Variants in PRX observed in about 807,000 individuals in gnomAD.
PRX encodes periaxin.
PRX carries 24 observed loss-of-function variants against 29.6 expected under a neutral mutation model. The ratio of observed to expected loss-of-function variants is 0.81; its 90% CI spans 0.59 to 1.14. The LOEUF (loss-of-function observed/expected upper bound fraction) is 1.14. Among genes scored for constraint, PRX ranks in the 50% most tolerant of loss-of-function variants. The probability of loss-of-function intolerance (pLI) is 0.00; values close to 1 mark genes in which losing one functional copy is unlikely to be tolerated. For synonymous variants in PRX, 772 were observed against 831.7 expected (o/e 0.93, Z 1.24); for missense variants, 1,838 against 1,926.4 (o/e 0.95, Z 0.86).
In PRX at chr19:40,397,247, C is replaced by G; in HGVS notation, c.1105G>C (p.Ala369Pro). ...RLSFPRFGARAKEVAEAKVAK... is the reference protein window; with the variant it reads ...RLSFPRFGARPKEVAEAKVAK... ...ACCTTGGCCTCAGCAACTTCCTTTG[C>G]TCGAGCCCCAAATCGGGGAAAACTA... The change falls in exon 7 of 7, where the codon GCA (alanine) becomes CCA (proline). Residue 369 changes from alanine to proline, a missense_variant. Transcript: ENST00000324001. The G allele has an allele frequency of 6.2e-7, 1 of 1,613,850 alleles. No individual in the cohort carries two copies. The highest frequency in any genetic ancestry group is 8.5e-7 in the Non-Finnish European group (1 of 1,180,034).
In PRX at chr19:40,395,739, G is replaced by C. The variant is rs2145728177; in HGVS notation, c.2613C>G (p.Val871=). 6.2e-7 allele frequency: 1 copy of C among 1,613,808 alleles called. No individual in the cohort carries two copies. Among genetic ancestry groups the C allele is most frequent in the East Asian group, 2.2e-5 (1 of 44,844 alleles). ...CTCCCTTGCCCATTTTAGCGGCTGG[G>C]ACCTGCCCCTGCAGGCCAAGTGCTC... ...LPGALGLQGQ[V]PAAKMGKGER... The change falls in exon 7 of 7, where the codon GTC becomes GTG. Residue 871 remains valine, a synonymous_variant. Coordinates refer to ENST00000324001, the MANE Select transcript of PRX (RefSeq NM_181882.3).
intron 1 of PRX, among the ~76,000 whole-genome samples, chr19:40,409,557 C>T (rs567344544): frequency 2.6e-5 from 4 of 151,884 alleles, no homozygotes; most frequent in Non-Finnish European, 4.4e-5. Flanking sequence ...ACTACAACCT[C>T]TGCCTCCTGG....
chr19:40,407,276 T>C (rs1200211215), intron 4 of PRX, among the ~76,000 whole-genome samples: 2 of 150,344 alleles, frequency 1.3e-5, no homozygotes, highest in Non-Finnish European at 2.9e-5. Flanking sequence ...TTTTTTTTTT[T>C]TTCTTTGTTT....
At position 40,396,022 on chromosome 19, in the gene PRX, G is replaced by A. The variant is rs2079431092; in HGVS notation, c.2330C>T (p.Pro777Leu). 6.2e-7 allele frequency: 1 copy of A among 1,613,860 alleles called. No homozygotes were observed. The highest frequency in any genetic ancestry group is 8.5e-7 in the Non-Finnish European group (1 of 1,180,042). Residue 777 changes from proline to leucine, a missense_variant, in exon 7 of 7, where the codon CCC becomes CTC. Pro to Leu is a moderately conservative substitution (Grantham distance 98). Transcript: ENST00000324001. ...HLPKAPEVKL[P>L]RAPEVQLKAT... is the part of the protein sequence containing the mutation. Reference sequence around the variant, plus strand: ...CTTTAGCTGCACCTCCGGAGCCCTGGGCAGCTTCACCTCTGGTGCCTTCGG... The same window carrying A: ...CTTTAGCTGCACCTCCGGAGCCCTGAGCAGCTTCACCTCTGGTGCCTTCGG...
chr19:40,409,096 C>T (rs184505762), intron 1 of PRX, among the ~76,000 whole-genome samples: 2 of 152,178 alleles, frequency 1.3e-5, no homozygotes, highest in Admixed American at 1.3e-4. Context: ...AAGTGATCAG[C>T]CCACCTTGGC....
intron 5 of PRX, among the ~76,000 whole-genome samples, chr19:40,399,025 T>A (rs1483987315): frequency 7.2e-6 from 1 of 139,098 alleles, no homozygotes; most frequent in South Asian, 2.3e-4. Flanking sequence ...CCGCGCCCAC[T>A]CAGGCCACGC....
intron 4 of PRX, among the ~76,000 whole-genome samples, chr19:40,405,619 A>G (rs1358186168): frequency 4.3e-5 from 6 of 140,378 alleles, no homozygotes; most frequent in African/African-American, 1.6e-4. Flanking sequence ...TTTTATGTGC[A>G]GAATCTCTTT....
rs768524850 is a variant in PRX, at chr19:40,394,223, G to A, written c.4129C>T (p.Arg1377Cys). The change falls in exon 7 of 7, where the codon CGC becomes TGC. Residue 1377 changes from arginine to cysteine, a missense_variant. Arg to Cys is a radical substitution (Grantham distance 180). Coordinates refer to ENST00000324001, the MANE Select transcript of PRX (RefSeq NM_181882.3). The surrounding 1 kb of genome is among the most constrained non-coding windows in gnomAD (Gnocchi z 5.8). ...GCCGCCAGGCCTACACGTGGCAAGC[G>A]GACCCGGACCCGGCCCCGGCGACCC... is the stretch of plus-strand genomic sequence containing the variant. ...ASGRRGRVRV[R>C]LPRVGLAAPS... 296 of 1,599,838 alleles carry A rather than the reference G, an allele frequency of 1.9e-4. No homozygotes were observed. The highest frequency in any genetic ancestry group is 5.0e-4 in the Middle Eastern group (3 of 6,014).
Position 40,397,763 on chromosome 19 carries a change from C to A in PRX, c.589G>T (p.Glu197Ter), listed in dbSNP as rs753857146. 2.6e-6 allele frequency: 4 copies of A among 1,566,614 alleles called. No homozygotes were observed. Among genetic ancestry groups the A allele is most frequent in the African/African-American group, 1.3e-5 (1 of 74,468 alleles). Reference protein sequence around the residue: ...RLQLPRLRVREVAEEAQAARL... With the variant: ...RLQLPRLRVR ...GCTGCCTGAGCCTCTTCGGCCACTT[C>A]TCGTACACGCAGCCGAGGCAGCTGG... Residue 197 changes from glutamate to a stop codon, truncating the protein, a stop_gained, in exon 7 of 7, where the codon GAA (glutamate) becomes TAA (stop). Coordinates refer to ENST00000324001, the MANE Select transcript of PRX (RefSeq NM_181882.3). LOFTEE classifies it low-confidence loss of function (END_TRUNC).
At chr19:40,403,532 C>A (rs2079510240) in intron 5 of PRX, among the ~76,000 whole-genome samples, 174 bp downstream of exon 5, 1 of 152,154 alleles carries the variant, frequency 6.6e-6, no homozygotes, top group Admixed American at 6.5e-5. Context: ...AGACAGTGAA[C>A]CTCCGGAATT....
intron 5 of PRX, among the ~76,000 whole-genome samples, 197 bp downstream of exon 5, chr19:40,403,509 G>C (rs2079510042): frequency 6.6e-6 from 1 of 152,166 alleles, no homozygotes; most frequent in Non-Finnish European, 1.5e-5. Flanking sequence ...CGGGGGATGT[G>C]AAATTCGCAC....
Position 40,398,862 on chromosome 19 carries a change from C to A in PRX, c.185-46G>T. The A allele has an allele frequency of 6.2e-7, 1 of 1,613,042 alleles. No homozygotes were observed. Among genetic ancestry groups the A allele is most frequent in the South Asian group, 1.1e-5 (1 of 90,956 alleles). On this transcript the variant is annotated intron_variant, in intron 5 of 6. Transcript: ENST00000324001. The surrounding 1 kb of genome is among the most constrained non-coding windows in gnomAD (Gnocchi z 6.3). ...CGCAGCACGTGGGCATCTCCCGGCTCCGCCCGGGCCTAGTTCTGCCCACTT... is the reference window on the plus strand; with the variant it reads ...CGCAGCACGTGGGCATCTCCCGGCTACGCCCGGGCCTAGTTCTGCCCACTT...
In PRX at chr19:40,407,212, TTGTGTGTGTGTGTG is replaced by T. The variant is rs72256185; in HGVS notation, c.27+680_27+693del. Among the ~76,000 whole-genome samples, 18 of 133,894 alleles carry T rather than the reference TTGTGTGTGTGTGTG, an allele frequency of 1.3e-4. No homozygotes were observed. The East Asian group carries it at 1.5e-3, about 11-fold the overall frequency. The allele number at this position is 133,894 out of a possible 152,430, so 87.8% of individuals were successfully genotyped here. ...TCCTTAACTCCTACATTATATGCCC[TTGTGTGTGTGTGTG>T]TGTGTGTGTGTGTGTGTGTGTGTGT... On this transcript the variant is annotated intron_variant, in intron 4 of 6. Transcript: ENST00000324001.
In PRX at chr19:40,408,133, G is replaced by A. The variant is rs3814287; in HGVS notation, c.-100+25C>T. On this transcript the variant is annotated intron_variant, in intron 3 of 6. Transcript: ENST00000324001. ...GGGTGGGTATTAGAAGGGGAGAAGG[G>A]CCCCCACCCCAGCTGTCCTCTCACC... 25,185 of 676,436 alleles carry A rather than the reference G, an allele frequency of 0.037. 1,060 individuals carry two copies. The highest frequency in any genetic ancestry group is 0.14 in the African/African-American group (8,021 of 56,242). The allele number at this position is 676,436 out of a possible 1,614,324, so 41.9% of individuals were successfully genotyped here.
chr19:40,396,353 G>A lies in PRX; in HGVS notation c.1999C>T (p.Leu667Phe). The change falls in exon 7 of 7, where the codon CTC (leucine) becomes TTC (phenylalanine). Residue 667 changes from leucine to phenylalanine, a missense_variant. Coordinates refer to ENST00000324001, the MANE Select transcript of PRX (RefSeq NM_181882.3). ...VQLPKVPEMK[L>F]PKMPEMAVPE... is the part of the protein sequence containing the mutation. The stretch of plus-strand genomic sequence containing the variant: ...ACAGCCATCTCAGGCATTTTAGGGA[G>A]TTTCATCTCTGGGACTTTCGGGAGC... 1 of 1,611,804 alleles carries A rather than the reference G, an allele frequency of 6.2e-7. No homozygotes were observed. The highest frequency in any genetic ancestry group is 1.1e-5 in the South Asian group (1 of 91,016).
At chr19:40,403,026 C>T (rs972792788) in intron 5 of PRX, among the ~76,000 whole-genome samples, 1 of 151,894 alleles carries the variant, frequency 6.6e-6, no homozygotes, top group East Asian at 1.9e-4. Context: ...AAAAATTAGC[C>T]GGGCGTGGTG....
intron 4 of PRX, among the ~76,000 whole-genome samples, chr19:40,405,449 G>C (rs1238871662): frequency 6.6e-6 from 1 of 151,972 alleles, no homozygotes; most frequent in Non-Finnish European, 1.5e-5. Context: ...CCCAGGACTT[G>C]GAGGGAGAGC....
At chr19:40,404,332 G>T (rs931765186) in intron 4 of PRX, among the ~76,000 whole-genome samples, 1 of 150,968 alleles carries the variant, frequency 6.6e-6, no homozygotes, top group Non-Finnish European at 1.5e-5. Flanking sequence ...TAAGGGGAGG[G>T]ACTGCGTCGG....
At chr19:40,400,615 A>AAAAAAAAAAAAAAAAAAAAC (rs2079488053) in intron 5 of PRX, among the ~76,000 whole-genome samples, 1 of 141,796 alleles carries the variant, frequency 7.1e-6, no homozygotes, top group African/African-American at 2.7e-5. Context: ...AAAAAAAAAA[A>AAAAAAAAAAAAAAAAAAAAC]AAAGACAAGA....
Sources: allele counts gnomAD v4.1 joint callset (sites outside exome capture counted in the v4.1 genomes callset), GRCh38; gene constraint gnomAD v4.1.1; non-coding constraint Gnocchi (gnomAD v3.1); transcripts MANE v1.5; gene names NCBI Gene and HGNC (gene_info 2026-07-23, HGNC 2026-07-21).